The following UPK3BL2 variants were observed in gnomAD, a reference collection of about 807,000 sequenced individuals.
UPK3BL2 encodes uroplakin-3b-like protein 2.
UPK3BL2 carries 1 observed loss-of-function variant against 11.3 expected under a neutral mutation model. That is an observed-to-expected ratio of 0.09 (90% CI 0.03 to 0.42). The LOEUF is 0.42. Ranked by LOEUF, UPK3BL2 falls within the 10% of genes least tolerant of loss-of-function variation. The probability of loss-of-function intolerance (pLI) is 0.98; values close to 1 mark genes in which losing one functional copy is unlikely to be tolerated.
intron 1 of UPK3BL2, chr7:102,542,285 G>A (rs1253123380): frequency 2.0e-6 from 2 of 976,814 alleles, no homozygotes; most frequent in Admixed American, 1.2e-4. Context: ...TCCCAACATG[G>A]CCCCAAGGCA....
chr7:102,541,128 GC>G lies in UPK3BL2; in HGVS notation c.449del (p.Gly150AlafsTer14). The G allele has an allele frequency of 1.7e-6, 1 of 580,422 alleles. No homozygotes were observed. The highest frequency in any genetic ancestry group is 3.0e-6 in the Non-Finnish European group (1 of 336,690). The allele number at this position is 580,422 out of a possible 1,614,324, so 36.0% of individuals were successfully genotyped here. A position where few individuals can be genotyped will look rare whatever the true frequency, so the allele number is the denominator to read the frequency against. On this transcript the variant is annotated frameshift_variant, in exon 3 of 6. Transcript: ENST00000644544. LOFTEE classifies it high-confidence loss of function. ...CGGGTCCTGGTAGGGGATGGTTGCA[GC>G]CAATTTTTGTTGGTTGGCAGTGGGT...
At chr7:102,540,933 G>A (rs2133369930) in intron 3 of UPK3BL2, among the ~76,000 whole-genome samples, 160 bp downstream of exon 3, 1 of 133,232 alleles carries the variant, frequency 7.5e-6, no homozygotes, top group South Asian at 2.7e-4. Context: ...ATTCATGAAG[G>A]CCTCCCTAGC....
At chr7:102,540,855 C>CAAAAAAAAACAAAAAAAAAAAAAAAA (rs1800227070) in intron 3 of UPK3BL2, among the ~76,000 whole-genome samples, 4 of 61,262 alleles carry the variant, frequency 6.5e-5, no homozygotes, top group African/African-American at 1.9e-4. Context: ...AAAAACAAAA[C>CAAAAAAAAACAAAAAAAAAAAAAAAA]AAAAAAAAAA....
chr7:102,540,855 C>CAAAACAAAAAAAAAAA (rs1479651896), intron 3 of UPK3BL2, among the ~76,000 whole-genome samples: 21 of 61,276 alleles, frequency 3.4e-4, no homozygotes, highest in South Asian at 5.4e-4. Flanking sequence ...AAAAACAAAA[C>CAAAACAAAAAAAAAAA]AAAAAAAAAA....
chr7:102,540,855 C>CAAAAAAAAAAAAAAAAA (rs1158192702), intron 3 of UPK3BL2, among the ~76,000 whole-genome samples: 35 of 61,220 alleles, frequency 5.7e-4, no homozygotes, highest in African/African-American at 1.2e-3. Flanking sequence ...AAAAACAAAA[C>CAAAAAAAAAAAAAAAAA]AAAAAAAAAA....
intron 3 of UPK3BL2, among the ~76,000 whole-genome samples, chr7:102,540,868 AAAAAAAAAGAAGAAAAGG>A (rs1800233349): frequency 7.6e-6 from 1 of 131,164 alleles, no homozygotes; most frequent in African/African-American, 2.9e-5. Context: ...AAAAAAAAAA[AAAAAAAAAGAAGAAAAGG>A]AAAAAAAAAA....
chr7:102,541,453 GCCCATT>G (rs1232776598), intron 2 of UPK3BL2, 42 bp downstream of exon 2: 2 of 1,188,076 alleles, frequency 1.7e-6, no homozygotes, highest in African/African-American at 2.9e-5. Flanking sequence ...AGGCCCGCAG[GCCCATT>G]TCACATAGGG....
chr7:102,542,954 C>T (rs1264495430), intron 1 of UPK3BL2, among the ~76,000 whole-genome samples: 1 of 151,906 alleles, frequency 6.6e-6, no homozygotes, highest in East Asian at 1.9e-4. Context: ...GCCGAGATCG[C>T]GCCACTGTAC....
chr7:102,540,874 A>AAAAAAG (rs1554587419), intron 3 of UPK3BL2, among the ~76,000 whole-genome samples: 5 of 119,622 alleles, frequency 4.2e-5, no homozygotes, highest in Admixed American at 1.7e-4. Context: ...AAAAAAAAAA[A>AAAAAAG]AAGAAGAAAA....
At chr7:102,540,855 C>CAAAAAAAAAAAAAAAAAAAAAAAAAAAA (rs1158192702) in intron 3 of UPK3BL2, among the ~76,000 whole-genome samples, 1 of 61,282 alleles carries the variant, frequency 1.6e-5, no homozygotes, top group Non-Finnish European at 3.7e-5. Context: ...AAAAACAAAA[C>CAAAAAAAAAAAAAAAAAAAAAAAAAAAA]AAAAAAAAAA....
Position 102,541,484 on chromosome 7 carries a change from GC to G in UPK3BL2, c.274+16del, listed in dbSNP as rs766191506. The G allele has an allele frequency of 2.4e-3, 3,161 of 1,305,862 alleles. No homozygotes were observed. The highest frequency in any genetic ancestry group is 3.0e-3 in the Non-Finnish European group (2,824 of 936,008). The allele number at this position is 1,305,862 out of a possible 1,614,324, so 80.9% of individuals were successfully genotyped here. A position where few individuals can be genotyped will look rare whatever the true frequency, so the allele number is the denominator to read the frequency against. ...TTCACATAGGGAAAACCGAAGCCTG[GC>G]CCCAGCAGCACCCACCGTTGCTGAG... On this transcript the variant is annotated intron_variant, in intron 2 of 5. Transcript: ENST00000644544.
intron 1 of UPK3BL2, chr7:102,542,207 C>G (rs1800302871): frequency 1.0e-6 from 1 of 982,532 alleles, no homozygotes. Flanking sequence ...TCCGGGGGCT[C>G]TGGAGCCAGA....
chr7:102,540,855 C>CAAAACA (rs1479651896), intron 3 of UPK3BL2, among the ~76,000 whole-genome samples: 12 of 61,280 alleles, frequency 2.0e-4, no homozygotes, highest in Non-Finnish European at 3.4e-4. Context: ...AAAAACAAAA[C>CAAAACA]AAAAAAAAAA....
chr7:102,540,875 A>AAAAG (rs1800235916), intron 3 of UPK3BL2, among the ~76,000 whole-genome samples: 20 of 118,918 alleles, frequency 1.7e-4, no homozygotes, highest in Non-Finnish European at 2.3e-4. Flanking sequence ...AAAAAAAAAA[A>AAAAG]AGAAGAAAAG....
At chr7:102,540,859 AAAAAAAAAAAAAAAAAAGAAGAAAAG>A (rs1280242440) in intron 3 of UPK3BL2, among the ~76,000 whole-genome samples, 25 of 113,806 alleles carry the variant, frequency 2.2e-4, no homozygotes, top group African/African-American at 8.0e-4. Context: ...ACAAAACAAA[AAAAAAAAAAAAAAAAAAGAAGAAAAG>A]GAAAAAAAAA....
At chr7:102,539,053 AC>A (rs1223875313) in intron 5 of UPK3BL2, among the ~76,000 whole-genome samples, 2 of 25,112 alleles carry the variant, frequency 8.0e-5, no homozygotes, top group African/African-American at 1.8e-4. Flanking sequence ...AAATCCTGAC[AC>A]CCCCCCCTTT....
rs1351363643 is a variant in UPK3BL2 at position 102,540,862 on chromosome 7, A to C, written c.485+231T>G. The stretch of plus-strand genomic sequence containing the variant: ...CCATCTCAAAAAACAAAACAAAAAA[A>C]AAAAAAAAAAAAAAGAAGAAAAGGA... On this transcript the variant is annotated intron_variant, in intron 3 of 5. Coordinates refer to ENST00000644544, the Ensembl canonical transcript of UPK3BL2. Among the ~76,000 whole-genome samples, 28 of 126,002 alleles carry C rather than the reference A, an allele frequency of 2.2e-4. 1 individual carries two copies. The highest frequency in any genetic ancestry group is 1.9e-3 in the South Asian group (7 of 3,742). The allele number at this position is 126,002 out of a possible 152,430, so 82.7% of individuals were successfully genotyped here. A position where few individuals can be genotyped will look rare whatever the true frequency, so the allele number is the denominator to read the frequency against.
intron 3 of UPK3BL2, among the ~76,000 whole-genome samples, 186 bp downstream of exon 3, chr7:102,540,907 A>G (rs557807383): frequency 2.5e-5 from 3 of 119,194 alleles, no homozygotes; most frequent in East Asian, 2.5e-4. Flanking sequence ...AAAAGAGAAG[A>G]AGGATAATTC....
chr7:102,540,884 A>C (rs1193410114), intron 3 of UPK3BL2, among the ~76,000 whole-genome samples: 1 of 97,790 alleles, frequency 1.0e-5, no homozygotes, highest in African/African-American at 3.9e-5. Context: ...AAAGAAGAAA[A>C]GGAAAAAAAA....
Sources: allele counts gnomAD v4.1 joint callset (sites outside exome capture counted in the v4.1 genomes callset), GRCh38; gene constraint gnomAD v4.1.1; transcripts MANE v1.5; gene names NCBI Gene and HGNC (gene_info 2026-07-23, HGNC 2026-07-21).